The following ENOX2 variants were observed in gnomAD, a reference collection of about 807,000 sequenced individuals.
ENOX2 encodes the protein ecto-NOX disulfide-thiol exchanger 2, also known as APK1 antigen.
Under a neutral mutation model 45.0 loss-of-function variants are expected in ENOX2, and 36 were observed. The ratio of observed to expected loss-of-function variants is 0.80; its 90% CI spans 0.61 to 1.06. The LOEUF (loss-of-function observed/expected upper bound fraction) is 1.06, where lower values mean the gene tolerates loss of function less well. ENOX2 is among the 50% of genes least tolerant of loss of function. The probability of loss-of-function intolerance (pLI) is 0.00; values close to 1 mark genes in which losing one functional copy is unlikely to be tolerated. For missense variants in ENOX2, 423 were observed against 462.5 expected, an observed-to-expected ratio of 0.91 and a Z score of 0.78; for synonymous variants, 174 against 152.3, an observed-to-expected ratio of 1.14 and a Z score of -1.05.
chrX:130,655,956 T>G (rs1487144402), intron 10 of ENOX2, among the ~76,000 whole-genome samples: 3 of 111,935 alleles, frequency 2.7e-5, no homozygotes, highest in South Asian at 3.8e-4. Context: ...GTTTTTATAA[T>G]GTACTCCTTA....
intron 9 of ENOX2, among the ~76,000 whole-genome samples, chrX:130,664,248 G>T (rs1387906898): frequency 1.8e-5 from 2 of 111,852 alleles, no homozygotes; most frequent in African/African-American, 6.5e-5. Context: ...TTTTCAAATT[G>T]TTCTCACACA....
rs746703122 is a variant in ENOX2 at position 130,840,631 on chromosome X, GC to G, written c.-182-56942del. On this transcript the variant is annotated intron_variant, in intron 2 of 14. Transcript: ENST00000394363. ...CCTGTAATCCCAGCACTTTGAGAGG[GC>G]AAGGCATGTGGATTCCTTGAGTCTA... is the stretch of plus-strand genomic sequence containing the variant. Among the ~76,000 whole-genome samples, 2 of 111,021 alleles carry G rather than the reference GC, an allele frequency of 1.8e-5. 1 individual carries two copies. Among genetic ancestry groups the G allele is most frequent in the South Asian group, 7.5e-4 (2 of 2,650 alleles).
intron 2 of ENOX2, among the ~76,000 whole-genome samples, chrX:130,821,742 T>TAAAAAAAAAAAAAAAAAAAAA: frequency 1.3e-4 from 3 of 23,165 alleles, no homozygotes; most frequent in African/African-American, 1.8e-4. Flanking sequence ...ATAAATAAAT[T>TAAAAAAAAAAAAAAAAAAAAA]AAAAAAAAAA....
At chrX:130,788,921 A>G (rs2077004084) in intron 2 of ENOX2, among the ~76,000 whole-genome samples, 2 of 112,190 alleles carry the variant, frequency 1.8e-5, no homozygotes, top group Admixed American at 9.5e-5. Flanking sequence ...AAACAAATCC[A>G]TGTGGTAACG....
intron 10 of ENOX2, among the ~76,000 whole-genome samples, chrX:130,643,091 A>G (rs1332801053): frequency 9.0e-6 from 1 of 111,641 alleles, no homozygotes; most frequent in Non-Finnish European, 1.9e-5. Context: ...AGATACTTGC[A>G]GTACCCATGA....
intron 3 of ENOX2, among the ~76,000 whole-genome samples, chrX:130,704,077 A>G (rs2148222809): frequency 8.9e-6 from 1 of 112,029 alleles, no homozygotes; most frequent in African/African-American, 3.2e-5. Flanking sequence ...GAGACATTTA[A>G]GAGAAGTTTC....
intron 3 of ENOX2, among the ~76,000 whole-genome samples, chrX:130,712,010 G>T (rs1208264251): frequency 9.0e-6 from 1 of 111,255 alleles, no homozygotes; most frequent in East Asian, 2.8e-4. Context: ...ATAATAGAAG[G>T]AATACAGGAC....
At chrX:130,857,057 A>C (rs1020345533) in intron 2 of ENOX2, among the ~76,000 whole-genome samples, 1 of 111,996 alleles carries the variant, frequency 8.9e-6, no homozygotes, top group African/African-American at 3.2e-5. Flanking sequence ...AAAAAGCACA[A>C]ATGTGTATTA....
chrX:130,852,897 T>C (rs932696960), intron 2 of ENOX2, among the ~76,000 whole-genome samples: 1 of 110,837 alleles, frequency 9.0e-6, no homozygotes, highest in African/African-American at 3.3e-5. Context: ...ACAAAAAAAA[T>C]ATATCTGAGT....
chrX:130,706,370 G>A (rs764455603), intron 3 of ENOX2, among the ~76,000 whole-genome samples: 1 of 112,057 alleles, frequency 8.9e-6, no homozygotes, highest in African/African-American at 3.2e-5. Context: ...TGGGGTGGAG[G>A]AGGAATGCCA....
At chrX:130,756,458 G>A (rs1442767124) in intron 3 of ENOX2, among the ~76,000 whole-genome samples, 2 of 111,811 alleles carry the variant, frequency 1.8e-5, no homozygotes, top group African/African-American at 6.5e-5. Flanking sequence ...TGGAAATGCT[G>A]CTCATGGATG....
chrX:130,661,755 T>C (rs770777421), intron 9 of ENOX2, among the ~76,000 whole-genome samples: 3 of 112,342 alleles, frequency 2.7e-5, no homozygotes, highest in Non-Finnish European at 5.6e-5. Context: ...TGCAGATAGG[T>C]CCTAAACCAA....
chrX:130,793,784 CAAG>C (rs1047627114), intron 2 of ENOX2, among the ~76,000 whole-genome samples: 2 of 112,150 alleles, frequency 1.8e-5, no homozygotes, highest in African/African-American at 3.2e-5. Flanking sequence ...TTTCCAACTT[CAAG>C]AAGAAGAACA....
intron 3 of ENOX2, among the ~76,000 whole-genome samples, chrX:130,730,372 T>A (rs944112512): frequency 3.6e-5 from 4 of 112,387 alleles, no homozygotes; most frequent in Non-Finnish European, 7.5e-5. Flanking sequence ...CAGACCTGCC[T>A]TCATGTTCAG....
At chrX:130,713,527 G>T (rs1569491732) in intron 3 of ENOX2, among the ~76,000 whole-genome samples, 2 of 111,582 alleles carry the variant, frequency 1.8e-5, no homozygotes, top group African/African-American at 6.5e-5. Context: ...CTCCCCTTGA[G>T]AGGCTCTTTT....
intron 2 of ENOX2, among the ~76,000 whole-genome samples, chrX:130,897,401 G>C (rs779247952): frequency 2.7e-5 from 3 of 111,641 alleles, no homozygotes; most frequent in Non-Finnish European, 5.6e-5. Context: ...GGACCAGCAG[G>C]GATTGCTGGA....
chrX:130,879,284 G>A (rs1425681041), intron 2 of ENOX2, among the ~76,000 whole-genome samples: 1 of 111,865 alleles, frequency 8.9e-6, no homozygotes, highest in Non-Finnish European at 1.9e-5. Context: ...CCCTTAGTCA[G>A]AAGCCCTCTT....
rs553973585 is a variant in ENOX2 at position 130,866,615 on chromosome X, G to A, written c.-183+35069C>T. Among the ~76,000 whole-genome samples the A allele has an allele frequency of 3.7e-5, 4 of 108,852 alleles. No homozygotes were observed. The South Asian group carries it at 1.5e-3, about 41-fold the overall frequency. 94.5% of individuals were successfully genotyped at this position (108,852 alleles called of 115,157 possible). ...GCTTGGAAAGCTTGGCAAGCATCCT[G>A]TTCACTTTTTTGTTCTACAAAATCC... is the stretch of plus-strand genomic sequence containing the variant. On this transcript the variant is annotated intron_variant, in intron 2 of 14. Transcript: ENST00000394363.
intron 2 of ENOX2, among the ~76,000 whole-genome samples, chrX:130,868,018 A>T (rs2078517368): frequency 8.9e-6 from 1 of 112,004 alleles, no homozygotes; most frequent in African/African-American, 3.2e-5. Flanking sequence ...GTCAAAATGT[A>T]ATAAACTAAT....
Sources: gnomAD v4.1 joint callset for allele counts (sites outside exome capture counted in the v4.1 genomes callset) on GRCh38, gnomAD v4.1.1 for gene constraint, MANE v1.5 for transcripts, NCBI Gene and HGNC (gene_info 2026-07-23, HGNC 2026-07-21) for gene names.